Variants in RBFOX1 observed in about 807,000 individuals in gnomAD.
RBFOX1 encodes the protein RNA binding fox-1 homolog 1, also known as RNA binding protein fox-1 homolog 1.
A neutral mutation model predicts 57.7 loss-of-function variants in RBFOX1; 8 were observed. That is an observed-to-expected ratio of 0.14 (90% confidence interval 0.08 to 0.25). The LOEUF (loss-of-function observed/expected upper bound fraction) is 0.25, where lower values mean the gene tolerates loss of function less well. Ranked by LOEUF, RBFOX1 falls within the 10% of genes least tolerant of loss-of-function variation. RBFOX1 has a pLI of 1.00. For synonymous variants in RBFOX1, 326 were observed against 222.4 expected, an observed-to-expected ratio of 1.47 and a Z score of -4.15; for missense variants, 611 against 548.5, an observed-to-expected ratio of 1.11 and a Z score of -1.14.
intron 1 of RBFOX1, among the ~76,000 whole-genome samples, chr16:5,465,673 A>C (rs1016541802): frequency 6.6e-6 from 1 of 152,204 alleles, no homozygotes; most frequent in Admixed American, 6.5e-5. Context: ...TCATGGGCTC[A>C]TCTAAGAACT....
At chr16:6,505,431 C>T (rs1331584408) in intron 2 of RBFOX1, among the ~76,000 whole-genome samples, 3 of 152,204 alleles carry the variant, frequency 2.0e-5, no homozygotes, top group South Asian at 2.1e-4. Context: ...GCTCCCATTA[C>T]ATCCAGGAGG....
At chr16:5,362,609 A>G (rs866145301) in intron 1 of RBFOX1, among the ~76,000 whole-genome samples, 15 of 152,106 alleles carry the variant, frequency 9.9e-5, no homozygotes, top group African/African-American at 3.1e-4. Context: ...TGATCCAACC[A>G]TCTTGGCCTC....
At chr16:7,410,938 A>ATTAT (rs951843103) in intron 4 of RBFOX1, among the ~76,000 whole-genome samples, 5 of 151,260 alleles carry the variant, frequency 3.3e-5, no homozygotes, top group East Asian at 3.9e-4. Flanking sequence ...ATCAACTTGA[A>ATTAT]TTATTTATTT....
chr16:6,230,461 A>G (rs1170975565), intron 1 of RBFOX1, among the ~76,000 whole-genome samples: 2 of 152,180 alleles, frequency 1.3e-5, no homozygotes, highest in Non-Finnish European at 2.9e-5. Context: ...ACCGCGTTCT[A>G]AAACTTTTGC....
intron 13 of RBFOX1, among the ~76,000 whole-genome samples, chr16:7,674,771 C>G (rs1032106492): frequency 1.3e-5 from 2 of 152,182 alleles, no homozygotes; most frequent in African/African-American, 2.4e-5. Flanking sequence ...ACATAACCTA[C>G]TAGTCAGTGT....
intron 2 of RBFOX1, among the ~76,000 whole-genome samples, chr16:6,365,865 G>A (rs1277155728): frequency 6.6e-6 from 1 of 152,178 alleles, no homozygotes; most frequent in Non-Finnish European, 1.5e-5. Flanking sequence ...GGCAGATAGT[G>A]TTTAACTCAA....
chr16:7,504,004 C>T (rs1415009718), intron 4 of RBFOX1, among the ~76,000 whole-genome samples: 1 of 152,032 alleles, frequency 6.6e-6, no homozygotes, highest in Non-Finnish European at 1.5e-5. Flanking sequence ...ATGAACGGTG[C>T]CCAAGATCAC....
intron 4 of RBFOX1, among the ~76,000 whole-genome samples, chr16:7,132,618 C>T (rs775080656): frequency 6.7e-5 from 10 of 148,362 alleles, no homozygotes; most frequent in Admixed American, 3.3e-4. Context: ...AAAAAAAAAA[C>T]CACACACACA....
At chr16:7,285,876 C>T (rs776077699) in intron 4 of RBFOX1, among the ~76,000 whole-genome samples, 2 of 152,156 alleles carry the variant, frequency 1.3e-5, no homozygotes, top group Non-Finnish European at 2.9e-5. Flanking sequence ...ACACAAGATT[C>T]CATTTCTCTG....
intron 4 of RBFOX1, among the ~76,000 whole-genome samples, chr16:7,509,384 C>G (rs1368266946): frequency 7.1e-6 from 1 of 140,972 alleles, no homozygotes; most frequent in East Asian, 2.2e-4. Flanking sequence ...TACTAGGAGC[C>G]AAGCCCTGTG....
chr16:6,901,828 T>G (rs2068576626), intron 3 of RBFOX1, among the ~76,000 whole-genome samples: 1 of 152,166 alleles, frequency 6.6e-6, no homozygotes, highest in South Asian at 2.1e-4. Context: ...ATTTACTGTG[T>G]TAAATATAAA....
chr16:6,049,159 G>A (rs936458721), intron 1 of RBFOX1, among the ~76,000 whole-genome samples: 14 of 150,782 alleles, frequency 9.3e-5, no homozygotes, highest in Non-Finnish European at 1.5e-4. Context: ...GCTTTCTGGG[G>A]TTCAAGTGAT....
intron 3 of RBFOX1, among the ~76,000 whole-genome samples, chr16:6,827,381 C>G (rs1177312287): frequency 2.0e-5 from 3 of 151,996 alleles, no homozygotes; most frequent in South Asian, 2.1e-4. Flanking sequence ...CTTATCTGAC[C>G]CAGCATTATC....
intron 4 of RBFOX1, among the ~76,000 whole-genome samples, chr16:7,512,783 G>A (rs748546570): frequency 1.3e-5 from 2 of 152,238 alleles, no homozygotes; most frequent in African/African-American, 4.8e-5. Flanking sequence ...CAGGCTTGAG[G>A]TAGTGCAGAA....
At chr16:6,037,565 T>C (rs1161253911) in intron 1 of RBFOX1, 7 of 152,076 alleles carry the variant, frequency 4.6e-5, no homozygotes, top group African/African-American at 1.7e-4. Flanking sequence ...GCATTTTCTT[T>C]CTTTTTTTTC....
At chr16:7,407,164 A>G (rs557021486) in intron 4 of RBFOX1, among the ~76,000 whole-genome samples, 337 of 152,298 alleles carry the variant, frequency 2.2e-3, no homozygotes, top group African/African-American at 7.8e-3. Context: ...GCCCATCACC[A>G]GAGCAGTATA....
rs536458976 is a variant in RBFOX1 at position 5,559,211 on chromosome 16, GA to G, written c.259-39689del. On this transcript the variant is annotated intron_variant, in intron 2 of 2. Transcript: ENST00000585867. ...AAAAAGTCAAGTGTAGAGAAAACTG[GA>G]AGAGTACTTTGCCACCCAGCATGGG... Among the ~76,000 whole-genome samples, 383 of 149,496 alleles carry G rather than the reference GA, an allele frequency of 2.6e-3. 2 individuals are homozygous for G. Among genetic ancestry groups the G allele is most frequent in the African/African-American group, 9.2e-3 (368 of 40,030 alleles).
At chr16:5,864,588 T>A (rs1207794321) in intron 3 of RBFOX1, among the ~76,000 whole-genome samples, 1 of 152,114 alleles carries the variant, frequency 6.6e-6, no homozygotes, top group Admixed American at 6.5e-5. Context: ...TGTACACTTT[T>A]CTGAATGTTT....
intron 3 of RBFOX1, among the ~76,000 whole-genome samples, chr16:6,688,267 A>G (rs543048538): frequency 1.8e-4 from 28 of 152,100 alleles, no homozygotes; most frequent in Non-Finnish European, 4.0e-4. Context: ...ACAATTGTAA[A>G]CAACCACATC....
Sources: gnomAD v4.1 joint callset for allele counts (sites outside exome capture counted in the v4.1 genomes callset) on GRCh38, gnomAD v4.1.1 for gene constraint, MANE v1.5 for transcripts, NCBI Gene and HGNC (gene_info 2026-07-23, HGNC 2026-07-21) for gene names.